UTS2B: variants seen among roughly 807,000 people sequenced by gnomAD.
The protein encoded by UTS2B is urotensin 2B, also known as urotensin-2B.
A neutral mutation model predicts 19.2 loss-of-function variants in UTS2B; 21 were observed. That is an observed-to-expected ratio of 1.09 (90% CI 0.78 to 1.58). The LOEUF (loss-of-function observed/expected upper bound fraction) is 1.58. Among genes scored for constraint, UTS2B ranks in the 40% most tolerant of loss-of-function variants. UTS2B has a pLI of 0.00. For missense variants in UTS2B, 138 were observed against 130.3 expected (o/e 1.06, Z -0.29); for synonymous variants, 57 against 50.2 (o/e 1.14, Z -0.58).
intron 2 of UTS2B, among the ~76,000 whole-genome samples, chr3:191,320,027 A>AGCAAAAATATAT (rs1250222252): frequency 6.6e-6 from 1 of 152,174 alleles, no homozygotes; most frequent in Non-Finnish European, 1.5e-5. Flanking sequence ...ATTATATGTC[A>AGCAAAAATATAT]ACACTATTCT....
chr3:191,317,567 T>TTTGTTGTTGTTG (rs61650426), intron 2 of UTS2B, among the ~76,000 whole-genome samples: 9,611 of 151,412 alleles, frequency 0.063, 335 homozygotes, highest in Middle Eastern at 0.11. Flanking sequence ...TAGGATAGTC[T>TTTGTTGTTGTTG]TTGTTGTTGT....
chr3:191,294,975 G>A (rs899613330), intron 4 of UTS2B, among the ~76,000 whole-genome samples: 2 of 151,884 alleles, frequency 1.3e-5, no homozygotes, highest in African/African-American at 4.9e-5. Context: ...AGCTTCCAGT[G>A]AGCTGAGATC....
At chr3:191,303,100 T>G (rs577784104) in intron 4 of UTS2B, among the ~76,000 whole-genome samples, 1 of 152,338 alleles carries the variant, frequency 6.6e-6, no homozygotes, top group South Asian at 2.1e-4. Context: ...GTTCCTCATG[T>G]GTTTCTTCCC....
intron 6 of UTS2B, 70 bp from the exon 7 acceptor site, chr3:191,276,914 A>G: frequency 7.2e-7 from 1 of 1,385,148 alleles, no homozygotes; most frequent in Non-Finnish European, 1.0e-6. Context: ...CAGTACACAC[A>G]TTTAAGATCT....
intron 3 of UTS2B, among the ~76,000 whole-genome samples, chr3:191,315,666 G>T (rs1322396413): frequency 1.3e-5 from 2 of 152,220 alleles, no homozygotes; most frequent in Non-Finnish European, 2.9e-5. Flanking sequence ...CCAGAGTCAT[G>T]CTACCTATTG....
At chr3:191,306,498 T>C (rs375606019) in intron 3 of UTS2B, among the ~76,000 whole-genome samples, 38 of 152,336 alleles carry the variant, frequency 2.5e-4, no homozygotes, top group African/African-American at 8.9e-4. Context: ...CCAGATTTCA[T>C]TTTACTTTCA....
chr3:191,320,561 G>A (rs1219112123), intron 2 of UTS2B, among the ~76,000 whole-genome samples: 2 of 152,118 alleles, frequency 1.3e-5, no homozygotes, highest in Non-Finnish European at 2.9e-5. Context: ...TAAACTCCAG[G>A]GGAATAAGAG....
At chr3:191,334,994 C>T (rs1718095191), upstream of UTS2B, among the ~76,000 whole-genome samples, 1 of 152,148 alleles carries the variant, frequency 6.6e-6, no homozygotes, top group Non-Finnish European at 1.5e-5. Context: ...AAATGCATGT[C>T]TTCTCTGGTA....
chr3:191,271,520 T>C (rs957819770), intron 8 of UTS2B, among the ~76,000 whole-genome samples: 8 of 152,190 alleles, frequency 5.3e-5, no homozygotes, highest in African/African-American at 1.9e-4. Flanking sequence ...TTGGTAACAA[T>C]AGCTTTGGAT....
intron 5 of UTS2B, among the ~76,000 whole-genome samples, chr3:191,281,835 A>T (rs1043159729): frequency 6.6e-6 from 1 of 151,930 alleles, no homozygotes; most frequent in Non-Finnish European, 1.5e-5. Flanking sequence ...AAAAAAAAAT[A>T]AACTATAGTT....
chr3:191,284,659 G>A (rs572850023), intron 4 of UTS2B, among the ~76,000 whole-genome samples: 1 of 151,136 alleles, frequency 6.6e-6, no homozygotes, highest in African/African-American at 2.4e-5. Flanking sequence ...AGTGACTCAC[G>A]CTTGTAATCC....
At chr3:191,332,075 T>C (rs763754430), upstream of UTS2B, among the ~76,000 whole-genome samples, 3 of 152,218 alleles carry the variant, frequency 2.0e-5, no homozygotes, top group Non-Finnish European at 4.4e-5. Flanking sequence ...TTAAGAAGAA[T>C]AGTGCAGTGA....
chr3:191,271,200 C>CAAAAAAAAAAAAAAAAAAA (rs66756396), intron 8 of UTS2B, among the ~76,000 whole-genome samples: 2 of 52,766 alleles, frequency 3.8e-5, no homozygotes, highest in African/African-American at 1.4e-4. Context: ...GAGACTCTCT[C>CAAAAAAAAAAAAAAAAAAA]AAAAAAAAAA....
rs1391575906 is a variant in UTS2B at position 191,268,070 on chromosome 3, T to G, written c.*346A>C. ...TATCTTATCCATATGGACAGGCGCC[T>G]TCCATGCATCCGTTTATAGGCTCTC... On this transcript the variant is annotated 3_prime_UTR_variant, in exon 9 of 9. Coordinates refer to ENST00000340524, the MANE Select transcript of UTS2B (RefSeq NM_198152.5). 6.0e-6 allele frequency: 1 copy of G among 166,682 alleles called. No homozygotes were observed. The highest frequency in any genetic ancestry group is 6.4e-5 in the Admixed American group (1 of 15,648). The allele number at this position is 166,682 out of a possible 1,614,324, so 10.3% of individuals were successfully genotyped here.
intron 3 of UTS2B, among the ~76,000 whole-genome samples, chr3:191,311,501 T>C (rs1576931407): frequency 6.6e-6 from 1 of 152,328 alleles, no homozygotes; most frequent in African/African-American, 2.4e-5. Context: ...TGCTCTCTGA[T>C]AGCCAAGGTT....
At position 191,282,192 on chromosome 3, in the gene UTS2B, T is replaced by C. The variant is rs751174447; in HGVS notation, c.-3A>G. 1.9e-6 allele frequency: 3 copies of C among 1,597,898 alleles called. No homozygotes were observed. The highest frequency in any genetic ancestry group is 4.5e-5 in the East Asian group (2 of 44,560). ...GTGCTTGAGAGGATCTTGTTCATGT[T>C]AAAAAAAACCTTCTGGACTAGCAAA... is the stretch of plus-strand genomic sequence containing the variant. On this transcript the variant is annotated 5_prime_UTR_variant, in exon 5 of 9. Coordinates refer to ENST00000340524, the MANE Select transcript of UTS2B (RefSeq NM_198152.5).
chr3:191,299,485 A>G (rs886151028), intron 4 of UTS2B, among the ~76,000 whole-genome samples: 6 of 152,384 alleles, frequency 3.9e-5, no homozygotes, highest in African/African-American at 1.4e-4. Flanking sequence ...AGTGCAAGCC[A>G]TGAGCCTTGG....
In UTS2B at chr3:191,273,262, T is replaced by G. The variant is rs546892774; in HGVS notation, c.334+1990A>C. The G allele has an allele frequency of 2.9e-4, 96 of 328,634 alleles. 1 individual carries two copies. The highest frequency in any genetic ancestry group is 2.4e-3 in the South Asian group (95 of 39,380). 20.4% of individuals were successfully genotyped at this position (328,634 alleles called of 1,614,324 possible). A position where few individuals can be genotyped will look rare whatever the true frequency, so the allele number is the denominator to read the frequency against. ...TGCTGCATGCAGTCACTAGAAGAGA[T>G]TTGGGGTTGTCTCTAATGAGAATGA... is the stretch of plus-strand genomic sequence containing the variant. On this transcript the variant is annotated intron_variant, in intron 8 of 8. Transcript: ENST00000340524.
In UTS2B at chr3:191,273,657, G is replaced by A. The variant is rs1716152646; in HGVS notation, c.334+1595C>T. The A allele has an allele frequency of 1.5e-5, 7 of 452,122 alleles. 1 individual carries two copies. Among genetic ancestry groups the A allele is most frequent in the South Asian group, 9.4e-5 (6 of 63,716 alleles). 28.0% of individuals were successfully genotyped at this position (452,122 alleles called of 1,614,324 possible). A position where few individuals can be genotyped will look rare whatever the true frequency, so the allele number is the denominator to read the frequency against. On this transcript the variant is annotated intron_variant, in intron 8 of 8. Transcript: ENST00000340524. ...TGCCTCTGAGATTTAGATTACAACT[G>A]TTAACACCTAATAGCCTAAGCTATA...
Sources: gnomAD v4.1 joint callset for allele counts (sites outside exome capture counted in the v4.1 genomes callset) on GRCh38, gnomAD v4.1.1 for gene constraint, MANE v1.5 for transcripts, NCBI Gene and HGNC (gene_info 2026-07-23, HGNC 2026-07-21) for gene names.